Variants in CLTA observed in about 807,000 individuals in gnomAD.
The protein encoded by CLTA is clathrin, light polypeptide (Lca).
In CLTA, 9 loss-of-function variants were observed where a neutral mutation model predicts 26.9. That is an observed-to-expected ratio of 0.33 (90% CI 0.20 to 0.58). CLTA has a LOEUF of 0.58. Ranked by LOEUF, CLTA falls within the 20% of genes least tolerant of loss-of-function variation. The pLI is 0.85. For missense variants in CLTA, 278 were observed against 294.2 expected, an observed-to-expected ratio of 0.94 and a Z score of 0.40; for synonymous variants, 120 against 115.5, an observed-to-expected ratio of 1.04 and a Z score of -0.25.
At chr9:36,199,167 C>G in intron 3 of CLTA, 71 bp downstream of exon 3, 1 of 965,144 alleles carries the variant, frequency 1.0e-6, no homozygotes, top group Non-Finnish European at 1.7e-6. Flanking sequence ...ACTTTTATTC[C>G]TTTTTAGCTC....
At chr9:36,198,604 C>G (rs10120229) in intron 2 of CLTA, among the ~76,000 whole-genome samples, 14,258 of 151,258 alleles carry the variant, frequency 0.094, 924 homozygotes, top group South Asian at 0.18. Flanking sequence ...TTGCTTGAAC[C>G]CGGGGAGTAG....
chr9:36,198,141 C>T (rs755405869), intron 2 of CLTA, among the ~76,000 whole-genome samples: 25 of 151,674 alleles, frequency 1.6e-4, no homozygotes, highest in African/African-American at 4.1e-4. Context: ...GAATTACAGG[C>T]GCATGCCACC....
Position 36,212,015 on chromosome 9 carries a change from GCTT to G in CLTA, c.*244_*246del. 3.0e-6 allele frequency: 2 copies of G among 662,828 alleles called. No individual in the cohort carries two copies. The highest frequency in any genetic ancestry group is 5.5e-6 in the Non-Finnish European group (2 of 362,852). The allele number at this position is 662,828 out of a possible 1,614,324, so 41.1% of individuals were successfully genotyped here. A position where few individuals can be genotyped will look rare whatever the true frequency, so the allele number is the denominator to read the frequency against. ...CTTCCCAAGAGTAGCCTCAACCTGT[GCTT>G]CTGTGCATTATTCTGAGAATAAATT... On this transcript the variant is annotated 3_prime_UTR_variant, in exon 5 of 5. Transcript: ENST00000345519.
At chr9:36,193,653 A>T (rs1022799662) in intron 1 of CLTA, among the ~76,000 whole-genome samples, 1 of 152,090 alleles carries the variant, frequency 6.6e-6, no homozygotes, top group African/African-American at 2.4e-5. Context: ...TCTCTTTCTG[A>T]TGTATTATAC....
intron 2 of CLTA, 142 bp from the exon 3 acceptor site, chr9:36,198,837 C>A: frequency 1.8e-6 from 1 of 551,088 alleles, no homozygotes; most frequent in Non-Finnish European, 3.3e-6. Flanking sequence ...CGTGCCACTG[C>A]ACTCCAGCCT....
At chr9:36,193,916 T>C (rs1466558328) in intron 1 of CLTA, among the ~76,000 whole-genome samples, 1 of 152,104 alleles carries the variant, frequency 6.6e-6, no homozygotes, top group African/African-American at 2.4e-5. Flanking sequence ...CAGGTGGTCA[T>C]GAAGGAGGCA....
chr9:36,196,342 C>CTTTTTTTTTTT (rs372357204), intron 1 of CLTA, among the ~76,000 whole-genome samples: 32 of 135,128 alleles, frequency 2.4e-4, no homozygotes, highest in Non-Finnish European at 3.3e-4. Context: ...TTTCTTTTTT[C>CTTTTTTTTTTT]TTTTTTTTTT....
intron 3 of CLTA, among the ~76,000 whole-genome samples, chr9:36,201,052 A>G (rs923369886): frequency 1.3e-5 from 2 of 152,126 alleles, no homozygotes; most frequent in African/African-American, 4.8e-5. Flanking sequence ...TTCTCCATGG[A>G]GAGAGTCTAC....
At chr9:36,200,154 G>A (rs1375756400) in intron 3 of CLTA, among the ~76,000 whole-genome samples, 1 of 152,196 alleles carries the variant, frequency 6.6e-6, no homozygotes, top group African/African-American at 2.4e-5. Context: ...TGCAGAGTGT[G>A]AGGATATAAT....
At chr9:36,195,148 A>G (rs1237350385) in intron 1 of CLTA, among the ~76,000 whole-genome samples, 1 of 152,218 alleles carries the variant, frequency 6.6e-6, no homozygotes, top group Non-Finnish European at 1.5e-5. Context: ...TCTGTCTTAC[A>G]CAAAAATAAA....
chr9:36,195,725 C>T (rs1057495716), intron 1 of CLTA, among the ~76,000 whole-genome samples: 6 of 151,810 alleles, frequency 4.0e-5, no homozygotes, highest in African/African-American at 1.2e-4. Context: ...CCAGCACTTT[C>T]GGAGGCTGAA....
chr9:36,209,015 G>A (rs1340832188), intron 4 of CLTA, among the ~76,000 whole-genome samples: 1 of 152,164 alleles, frequency 6.6e-6, no homozygotes, highest in African/African-American at 2.4e-5. Context: ...GTGTTGCTGG[G>A]GTGAGCCAAA....
At chr9:36,208,305 A>G (rs945707230) in intron 4 of CLTA, among the ~76,000 whole-genome samples, 1 of 152,186 alleles carries the variant, frequency 6.6e-6, no homozygotes, top group African/African-American at 2.4e-5. Context: ...CTGCTGTCAA[A>G]ATTTATCCAC....
intron 4 of CLTA, among the ~76,000 whole-genome samples, chr9:36,206,622 C>A (rs942904770): frequency 1.3e-5 from 2 of 152,052 alleles, no homozygotes; most frequent in Non-Finnish European, 2.9e-5. Flanking sequence ...GGCCGGACAC[C>A]GTGACTCAAC....
At chr9:36,204,839 G>C (rs1827620374) in intron 4 of CLTA, among the ~76,000 whole-genome samples, 1 of 152,234 alleles carries the variant, frequency 6.6e-6, no homozygotes, top group African/African-American at 2.4e-5. Flanking sequence ...TACACTTAGA[G>C]CCCTTCTTGG....
Position 36,211,748 on chromosome 9 carries a change from C to G in CLTA, c.631C>G (p.Leu211Val). The change falls in exon 5 of 5, where the codon CTC becomes GTC. Residue 211 changes from leucine (L) to valine (V), a missense_variant. Coordinates refer to ENST00000345519, the MANE Select transcript of CLTA (RefSeq NM_001833.4). ...CCGCATGCGCTCAGTCCTCATCTCC[C>G]TCAAGCAGGCCCCGCTGGTGCACTG... ...VSRMRSVLIS[L>V]KQAPLVH The G allele has an allele frequency of 6.2e-7, 1 of 1,613,008 alleles. No individual in the cohort carries two copies. Among genetic ancestry groups the G allele is most frequent in the Non-Finnish European group, 8.5e-7 (1 of 1,179,176 alleles).
rs986522813 is a variant in CLTA, at chr9:36,204,285, G to T, written c.485+106G>T. ...GCTTCTGCCTCCTTTAGTGTGAAAT[G>T]TCTGCAGTTTTTAAAGAAAGTGCTT... On this transcript the variant is annotated intron_variant, in intron 4 of 4. Coordinates refer to ENST00000345519, the MANE Select transcript of CLTA (RefSeq NM_001833.4). 8.8e-6 allele frequency: 11 copies of T among 1,246,836 alleles called. No homozygotes were observed. In the South Asian group the frequency reaches 1.6e-4, roughly 18 times the overall value. 77.2% of individuals were successfully genotyped at this position (1,246,836 alleles called of 1,614,324 possible).
intron 4 of CLTA, among the ~76,000 whole-genome samples, chr9:36,208,188 G>T (rs1278850624): frequency 6.6e-6 from 1 of 152,168 alleles, no homozygotes; most frequent in Non-Finnish European, 1.5e-5. Context: ...AAAGGACAGG[G>T]TAAGACTCCA....
chr9:36,210,498 C>T (rs1036757067), intron 4 of CLTA: 20 of 1,474,510 alleles, frequency 1.4e-5, no homozygotes, highest in African/African-American at 7.0e-5. Context: ...GCCAGCTGCA[C>T]GTCCCCAAGC....
Sources: gnomAD v4.1 joint callset for allele counts (sites outside exome capture counted in the v4.1 genomes callset) on GRCh38, gnomAD v4.1.1 for gene constraint, MANE v1.5 for transcripts, NCBI Gene and HGNC (gene_info 2026-07-23, HGNC 2026-07-21) for gene names.